Variants in CLIP2 observed in about 807,000 individuals in gnomAD.
CLIP2 encodes CAP-Gly domain-containing linker protein 2.
CLIP2 carries 41 observed loss-of-function variants against 111.7 expected under a neutral mutation model. That is an observed-to-expected ratio of 0.37 (90% CI 0.29 to 0.48). The LOEUF (loss-of-function observed/expected upper bound fraction) is 0.48, where lower values mean the gene tolerates loss of function less well. Ranked by LOEUF, CLIP2 falls within the 20% of genes least tolerant of loss-of-function variation. The pLI, the probability that CLIP2 is intolerant of heterozygous loss-of-function variation, is 0.99. For synonymous variants in CLIP2, 660 were observed against 644.2 expected, an observed-to-expected ratio of 1.02 and a Z score of -0.37; for missense variants, 1,160 against 1,422.1, an observed-to-expected ratio of 0.82 and a Z score of 2.96.
chr7:74,342,291 G>A (rs1344280506), intron 3 of CLIP2, among the ~76,000 whole-genome samples: 4 of 152,042 alleles, frequency 2.6e-5, no homozygotes, highest in Admixed American at 2.6e-4. Flanking sequence ...CAGGAGAATC[G>A]CTTGAACCTG....
rs1306557485 is a variant in CLIP2, at chr7:74,311,917, T to TAA, written c.-67-5549_-67-5548dup. Among the ~76,000 whole-genome samples the TAA allele has an allele frequency of 1.2e-4, 6 of 49,724 alleles. 1 individual carries two copies. The highest frequency in any genetic ancestry group is 2.6e-4 in the Non-Finnish European group (5 of 19,154). 32.6% of individuals were successfully genotyped at this position (49,724 alleles called of 152,430 possible). On this transcript the variant is annotated intron_variant, in intron 1 of 16. Transcript: ENST00000223398. ...ATAGAGCAAGACCACATCTCAAGAATAAAAAAAAAAAAAAAGAAAGAAAGA... is the reference window on the plus strand; with the variant it reads ...ATAGAGCAAGACCACATCTCAAGAATAAAAAAAAAAAAAAAAAGAAAGAAAGA...
At chr7:74,390,354 G>T (rs1489403798) in intron 13 of CLIP2, among the ~76,000 whole-genome samples, 1 of 152,106 alleles carries the variant, frequency 6.6e-6, no homozygotes, top group African/African-American at 2.4e-5. Flanking sequence ...CTGAAAAAGT[G>T]TAAGATACGA....
intron 2 of CLIP2, among the ~76,000 whole-genome samples, chr7:74,320,837 G>A (rs782684049): frequency 2.0e-5 from 3 of 152,162 alleles, no homozygotes; most frequent in Non-Finnish European, 4.4e-5. Flanking sequence ...GGGGAAGGTC[G>A]TGAGTCAAGG....
At chr7:74,312,282 C>T (rs1788661027) in intron 1 of CLIP2, among the ~76,000 whole-genome samples, 1 of 151,920 alleles carries the variant, frequency 6.6e-6, no homozygotes, top group Non-Finnish European at 1.5e-5. Flanking sequence ...TTATTAGATA[C>T]GATTTATAAC....
intron 3 of CLIP2, among the ~76,000 whole-genome samples, chr7:74,343,922 A>G (rs781862258): frequency 1.3e-4 from 19 of 150,880 alleles, no homozygotes; most frequent in Non-Finnish European, 2.7e-4. Context: ...AGAGAGAGAG[A>G]GAGAACTGGT....
intron 13 of CLIP2, chr7:74,389,518 A>T: frequency 4.3e-6 from 1 of 234,118 alleles, no homozygotes; most frequent in Non-Finnish European, 7.9e-6. Context: ...GCACTTTGGG[A>T]GGCTGAGGCA....
chr7:74,379,185 C>T (rs1584377526), intron 10 of CLIP2, among the ~76,000 whole-genome samples: 1 of 151,962 alleles, frequency 6.6e-6, no homozygotes, highest in Non-Finnish European at 1.5e-5. Flanking sequence ...ATCTCCTGGC[C>T]GGGCGCGGTG....
At chr7:74,328,231 C>T (rs1046909936) in intron 2 of CLIP2, among the ~76,000 whole-genome samples, 9 of 152,102 alleles carry the variant, frequency 5.9e-5, no homozygotes, top group Non-Finnish European at 1.2e-4. Flanking sequence ...CGGGGACTGC[C>T]GGAGGGAAAG....
intron 7 of CLIP2, 89 bp downstream of exon 7, chr7:74,360,367 C>A: frequency 1.1e-6 from 1 of 912,772 alleles, no homozygotes. Flanking sequence ...GACCCAGGTT[C>A]CAGTCCTGCC....
chr7:74,314,797 G>A (rs564335930), intron 1 of CLIP2, among the ~76,000 whole-genome samples: 4 of 152,366 alleles, frequency 2.6e-5, no homozygotes, highest in African/African-American at 7.2e-5. Context: ...TGTGAGTATA[G>A]GATAGTGGGG....
chr7:74,300,700 C>T (rs1788313233), intron 1 of CLIP2, among the ~76,000 whole-genome samples: 1 of 152,178 alleles, frequency 6.6e-6, no homozygotes, highest in African/African-American at 2.4e-5. Context: ...TCATGATCCA[C>T]CCGCCTCGGC....
intron 4 of CLIP2, among the ~76,000 whole-genome samples, chr7:74,356,145 C>T (rs1296676759): frequency 1.3e-5 from 2 of 152,138 alleles, no homozygotes; most frequent in African/African-American, 2.4e-5. Context: ...CAAAGTGGGT[C>T]CCAGTAATTA....
intron 1 of CLIP2, among the ~76,000 whole-genome samples, chr7:74,298,089 A>G (rs1788224027): frequency 1.3e-5 from 2 of 151,960 alleles, no homozygotes; most frequent in Admixed American, 1.3e-4. Flanking sequence ...CCACGCTTGC[A>G]ATCTCAGCGC....
chr7:74,309,105 G>A (rs1456707751), intron 1 of CLIP2, among the ~76,000 whole-genome samples: 1 of 151,950 alleles, frequency 6.6e-6, no homozygotes, highest in East Asian at 2.0e-4. Flanking sequence ...CTGAGCTCCA[G>A]CAATTCACCC....
At position 74,329,085 on chromosome 7, in the gene CLIP2, T is replaced by TG. The variant is rs1789202746; in HGVS notation, c.122-9361dup. Among the ~76,000 whole-genome samples, 5 of 124,746 alleles carry TG rather than the reference T, an allele frequency of 4.0e-5. 1 individual carries two copies. In the South Asian group the frequency reaches 1.3e-3, roughly 33 times the overall value. 81.8% of individuals were successfully genotyped at this position (124,746 alleles called of 152,430 possible). Reference sequence around the variant, plus strand: ...ATCATGCCTGGCTAATTTTTTTTTTTGGTTTTTTTTTTTTTTTTTTTTAGT... The same window carrying TG: ...ATCATGCCTGGCTAATTTTTTTTTTTGGGTTTTTTTTTTTTTTTTTTTTAGT... On this transcript the variant is annotated intron_variant, in intron 2 of 16. Coordinates refer to ENST00000223398, the MANE Select transcript of CLIP2 (RefSeq NM_003388.5).
intron 6 of CLIP2, among the ~76,000 whole-genome samples, chr7:74,358,445 T>C (rs1255716464): frequency 6.6e-6 from 1 of 152,158 alleles, no homozygotes; most frequent in Non-Finnish European, 1.5e-5. Flanking sequence ...CAGGCAATCC[T>C]TGGCCTTCCA....
rs904745383 is a variant in CLIP2, at chr7:74,373,176, C to A, written c.1485+140C>A. 1.1e-5 allele frequency: 7 copies of A among 614,190 alleles called. 1 individual carries two copies. Among genetic ancestry groups the A allele is most frequent in the African/African-American group, 1.9e-5 (1 of 53,750 alleles). 38.0% of individuals were successfully genotyped at this position (614,190 alleles called of 1,614,324 possible). ...TTTTTATTTTTTATTTTTGCATCCCCTTGGAGGAGGGAAGTCAAGATTTAG... is the reference window on the plus strand; with the variant it reads ...TTTTTATTTTTTATTTTTGCATCCCATTGGAGGAGGGAAGTCAAGATTTAG... On this transcript the variant is annotated intron_variant, in intron 9 of 16. Coordinates refer to ENST00000223398, the MANE Select transcript of CLIP2 (RefSeq NM_003388.5).
chr7:74,336,290 A>G (rs1405631700), intron 2 of CLIP2, among the ~76,000 whole-genome samples: 2 of 151,108 alleles, frequency 1.3e-5, no homozygotes, highest in African/African-American at 4.9e-5. Flanking sequence ...CTGGTCTCGA[A>G]CTCCTGACCT....
At chr7:74,374,368 G>A (rs1396687613) in intron 9 of CLIP2, among the ~76,000 whole-genome samples, 4 of 152,166 alleles carry the variant, frequency 2.6e-5, no homozygotes, top group South Asian at 4.1e-4. Flanking sequence ...ACGGCGGACC[G>A]GCCGGAGCCC....
Sources: gnomAD v4.1 joint callset for allele counts (sites outside exome capture counted in the v4.1 genomes callset) on GRCh38, gnomAD v4.1.1 for gene constraint, MANE v1.5 for transcripts, NCBI Gene and HGNC (gene_info 2026-07-23, HGNC 2026-07-21) for gene names.